Variants in MICAL3 observed in about 807,000 individuals in gnomAD.
MICAL3 encodes [F-actin]-monooxygenase MICAL3.
In MICAL3, 62 loss-of-function variants were observed where a neutral mutation model predicts 207.4. That is an observed-to-expected ratio of 0.30 (90% CI 0.24 to 0.37). The LOEUF (loss-of-function observed/expected upper bound fraction) is 0.37, where lower values mean the gene tolerates loss of function less well. Ranked by LOEUF, MICAL3 falls within the 10% of genes least tolerant of loss-of-function variation. The probability of loss-of-function intolerance (pLI) is 1.00; values close to 1 mark genes in which losing one functional copy is unlikely to be tolerated. For missense variants in MICAL3, 2,368 were observed against 2,635.6 expected, an observed-to-expected ratio of 0.90 and a Z score of 2.22; for synonymous variants, 1,077 against 1,069.3, an observed-to-expected ratio of 1.01 and a Z score of -0.14.
At chr22:17,824,197 T>C (rs943786073) in intron 22 of MICAL3, among the ~76,000 whole-genome samples, 4 of 152,182 alleles carry the variant, frequency 2.6e-5, no homozygotes, top group Non-Finnish European at 5.9e-5. Flanking sequence ...ACAGGACCAC[T>C]GGCCGGGGGC....
intron 19 of MICAL3, among the ~76,000 whole-genome samples, chr22:17,857,520 G>T (rs1896294562): frequency 6.6e-6 from 1 of 152,242 alleles, no homozygotes; most frequent in African/African-American, 2.4e-5. Context: ...CGCAGGTGCA[G>T]GAGAGTTGAT....
rs574673863 is a variant in MICAL3, at chr22:17,818,165, C to A, written c.4496G>T (p.Arg1499Leu). 17 of 1,594,390 alleles carry A rather than the reference C, an allele frequency of 1.1e-5. No homozygotes were observed. In the South Asian group the frequency reaches 1.8e-4, roughly 17 times the overall value. ...PLPATWMRPPREPAQPPREEV... is the reference protein window; with the variant it reads ...PLPATWMRPPLEPAQPPREEV... ...CTCTCTGGGGGGCTGAGCAGGCTCC[C>A]GGGGGGGCCGCATCCAGGTGGCGGG... The change falls in exon 26 of 32, where the codon CGG becomes CTG. Residue 1499 changes from arginine to leucine, a missense_variant. Physicochemically the swap from Arg to Leu is moderately radical, Grantham distance 102 (BLOSUM62 -2). This residue lies in a region of MICAL3 where 1,770 missense variants were observed against 1,863.2 expected (regional missense o/e 0.95). Transcript: ENST00000441493.
At chr22:18,013,422 A>G (rs1923866476) in intron 1 of MICAL3, among the ~76,000 whole-genome samples, 1 of 152,196 alleles carries the variant, frequency 6.6e-6, no homozygotes, top group African/African-American at 2.4e-5. Context: ...GCTGAGCTTC[A>G]GAGAAGTTAA....
chr22:17,796,771 G>A lies in MICAL3; in HGVS notation c.5651-5470C>T, dbSNP rs1312599922. Among the ~76,000 whole-genome samples the A allele has an allele frequency of 1.3e-5, 2 of 152,154 alleles. No homozygotes were observed. Among genetic ancestry groups the A allele is most frequent in the African/African-American group, 4.8e-5 (2 of 41,432 alleles). The stretch of plus-strand genomic sequence containing the variant: ...TGTCTGTGCCTGGGGAGACAGTGAA[G>A]GCAGGACCTGAATCCAGGCCTGGCC... On this transcript the variant is annotated intron_variant, in intron 29 of 31. Transcript: ENST00000441493. The surrounding 1 kb of genome is among the most constrained non-coding windows in gnomAD (Gnocchi z 4.4).
intron 1 of MICAL3, among the ~76,000 whole-genome samples, chr22:17,979,205 T>C (rs969884688): frequency 6.6e-6 from 1 of 151,654 alleles, no homozygotes; most frequent in Non-Finnish European, 1.5e-5. Flanking sequence ...CCATGTCTTA[T>C]GAGTCACCAT....
At chr22:17,872,674 T>G (rs1228176452) in intron 16 of MICAL3, 4 of 929,902 alleles carry the variant, frequency 4.3e-6, no homozygotes, top group African/African-American at 1.6e-5. Context: ...AAGCTATAAG[T>G]GACTCAGCAC....
chr22:17,905,393 A>G (rs1372247990), intron 2 of MICAL3, among the ~76,000 whole-genome samples: 1 of 152,238 alleles, frequency 6.6e-6, no homozygotes, highest in Non-Finnish European at 1.5e-5. Flanking sequence ...GTCCAGGAAC[A>G]TGATCTCGAA....
In MICAL3 at chr22:17,793,358, G is replaced by T. The variant is rs1253557541; in HGVS notation, c.5651-2057C>A. On this transcript the variant is annotated intron_variant, in intron 29 of 31. Coordinates refer to ENST00000441493, the MANE Select transcript of MICAL3 (RefSeq NM_015241.3). This position sits in a 1 kb window ranked among gnomAD's most constrained non-coding sequence, Gnocchi z 4.1. ...GTGTAGATCAGTCTTTGTAAGGACA[G>T]TATTCCTTGACTCTCCCATCCAAAT... Among the ~76,000 whole-genome samples, 1 of 148,008 alleles carries T rather than the reference G, an allele frequency of 6.8e-6. No homozygotes were observed. Among genetic ancestry groups the T allele is most frequent in the Non-Finnish European group, 1.5e-5 (1 of 66,022 alleles).
intron 19 of MICAL3, chr22:17,864,604 G>C (rs762742038): frequency 4.6e-6 from 7 of 1,523,674 alleles, no homozygotes; most frequent in Non-Finnish European, 6.1e-6. Context: ...GGTGCGGGAC[G>C]GGGCTGAGGG....
chr22:18,017,030 G>A (rs1924101806), intron 1 of MICAL3, among the ~76,000 whole-genome samples: 1 of 152,126 alleles, frequency 6.6e-6, no homozygotes, highest in South Asian at 2.1e-4. Context: ...TATGTAGTGG[G>A]GGGAACAGAA....
intron 17 of MICAL3, among the ~76,000 whole-genome samples, chr22:17,869,264 A>C (rs1271546704): frequency 6.6e-6 from 1 of 152,162 alleles, no homozygotes; most frequent in East Asian, 1.9e-4. Context: ...GGTGAGATCC[A>C]AGTCACACCT....
chr22:18,003,950 A>G (rs1923206987), intron 1 of MICAL3, among the ~76,000 whole-genome samples: 1 of 151,932 alleles, frequency 6.6e-6, no homozygotes, highest in South Asian at 2.1e-4. Context: ...TTGTATTTTT[A>G]GTAGAGACAG....
chr22:17,877,427 G>C (rs62240568), intron 16 of MICAL3, among the ~76,000 whole-genome samples: 1 of 37,082 alleles, frequency 2.7e-5, no homozygotes, highest in African/African-American at 1.3e-4. Flanking sequence ...AGGTTAGGGA[G>C]ATTATGGAGG....
chr22:17,823,584 C>T (rs1054431045), intron 22 of MICAL3, among the ~76,000 whole-genome samples: 5 of 128,298 alleles, frequency 3.9e-5, no homozygotes, highest in African/African-American at 9.3e-5. Flanking sequence ...CAGCAGACCT[C>T]GTGGTGACAG....
intron 22 of MICAL3, chr22:17,826,577 G>T: frequency 1.2e-6 from 1 of 867,074 alleles, no homozygotes; most frequent in Non-Finnish European, 1.4e-6. Flanking sequence ...CCAACGAGGA[G>T]AGCCAAGGTC....
At chr22:17,820,972 A>AAACATAAATTTTAATAAATTTATG (rs1921566141) in intron 25 of MICAL3, among the ~76,000 whole-genome samples, 2 of 102,042 alleles carry the variant, frequency 2.0e-5, no homozygotes, top group African/African-American at 3.1e-5. Flanking sequence ...ATAAATTTAT[A>AAACATAAATTTTAATAAATTTATG]TTTATAAACA....
intron 29 of MICAL3, among the ~76,000 whole-genome samples, chr22:17,792,994 C>T (rs1350735560): frequency 4.0e-5 from 6 of 151,860 alleles, no homozygotes; most frequent in African/African-American, 7.3e-5. Context: ...CGCCCGGCCA[C>T]GGCGGCACCA....
At chr22:17,956,006 G>A (rs1856398144) in intron 1 of MICAL3, among the ~76,000 whole-genome samples, 1 of 152,234 alleles carries the variant, frequency 6.6e-6, no homozygotes, top group African/African-American at 2.4e-5. Flanking sequence ...GAATGTTTAT[G>A]AGCACAAGGG....
At chr22:17,891,464 C>A (rs1930389551) in intron 12 of MICAL3, 21 bp downstream of exon 12, 1 of 1,612,482 alleles carries the variant, frequency 6.2e-7, no homozygotes, top group African/African-American at 1.3e-5. Context: ...TAAAAAAACA[C>A]AAAGTTTGAT....
Sources: allele counts gnomAD v4.1 joint callset (sites outside exome capture counted in the v4.1 genomes callset), GRCh38; gene constraint gnomAD v4.1.1; regional missense constraint gnomAD v4.1.1; non-coding constraint Gnocchi (gnomAD v3.1); transcripts MANE v1.5; gene names NCBI Gene and HGNC (gene_info 2026-07-23, HGNC 2026-07-21).